The following CLPB variants were observed in gnomAD, a reference collection of about 807,000 sequenced individuals.
CLPB encodes ClpB family mitochondrial disaggregase.
Under a neutral mutation model 78.4 loss-of-function variants are expected in CLPB, and 40 were observed. The ratio of observed to expected loss-of-function variants is 0.51; its 90% CI spans 0.40 to 0.66. CLPB has a LOEUF of 0.66. CLPB is among the 30% of genes least tolerant of loss of function. CLPB has a pLI of 0.00. For synonymous variants in CLPB, 333 were observed against 348.0 expected, an observed-to-expected ratio of 0.96 and a Z score of 0.48; for missense variants, 780 against 886.9, an observed-to-expected ratio of 0.88 and a Z score of 1.53.
chr11:72,362,493 G>A (rs990039036), intron 4 of CLPB, among the ~76,000 whole-genome samples: 2 of 152,122 alleles, frequency 1.3e-5, no homozygotes, highest in African/African-American at 2.4e-5. Context: ...CTTTGGTTTT[G>A]GAATAATAAA....
At chr11:72,295,989 C>A (rs1949545126) in intron 11 of CLPB, among the ~76,000 whole-genome samples, 1 of 152,194 alleles carries the variant, frequency 6.6e-6, no homozygotes, top group Admixed American at 6.5e-5. Flanking sequence ...TTTTTGGAGG[C>A]CCGCTGTGGG....
In CLPB at chr11:72,373,960, C is replaced by CAAAA. The variant is rs35682727; in HGVS notation, c.646+6317_646+6320dup. ...GGGTAACAAGAGCGAAACTCTGTCT[C>CAAAA]AAAAAAAAAAAAAAAAAAAAAAGAA... On this transcript the variant is annotated intron_variant, in intron 4 of 15. Transcript: ENST00000538039. 3.5e-4 allele frequency among the ~76,000 whole-genome samples: 28 copies of CAAAA among 80,536 alleles called. 1 individual carries two copies. The highest frequency in any genetic ancestry group is 1.0e-3 in the African/African-American group (21 of 21,022). The allele number at this position is 80,536 out of a possible 152,430, so 52.8% of individuals were successfully genotyped here.
At chr11:72,382,705 A>G (rs1287914647) in intron 3 of CLPB, among the ~76,000 whole-genome samples, 1 of 152,200 alleles carries the variant, frequency 6.6e-6, no homozygotes, top group African/African-American at 2.4e-5. Flanking sequence ...GACAGGCTGA[A>G]TGGTGAAGGG....
chr11:72,340,030 T>C (rs1054353217), intron 5 of CLPB, among the ~76,000 whole-genome samples: 9 of 152,224 alleles, frequency 5.9e-5, no homozygotes, highest in African/African-American at 2.4e-5. Context: ...AACCTACAGA[T>C]TGTCTTACAA....
intron 2 of CLPB, among the ~76,000 whole-genome samples, chr11:72,424,902 A>G (rs532858285): frequency 2.2e-4 from 33 of 151,772 alleles, no homozygotes; most frequent in South Asian, 1.7e-3. Context: ...AACAAAACAA[A>G]ACAAAAAAAA....
chr11:72,416,141 G>T (rs1034782538), intron 2 of CLPB, among the ~76,000 whole-genome samples: 1 of 152,168 alleles, frequency 6.6e-6, no homozygotes, highest in Non-Finnish European at 1.5e-5. Context: ...TCACACTATT[G>T]CTTCAGAGCT....
chr11:72,301,624 C>T (rs1213373526), intron 11 of CLPB, among the ~76,000 whole-genome samples, 179 bp downstream of exon 11: 1 of 152,204 alleles, frequency 6.6e-6, no homozygotes, highest in African/African-American at 2.4e-5. Context: ...GCTTGAGTGC[C>T]CCACCCAGGC....
chr11:72,373,572 C>T (rs1487812813), intron 4 of CLPB, among the ~76,000 whole-genome samples: 2 of 152,176 alleles, frequency 1.3e-5, no homozygotes, highest in Non-Finnish European at 1.5e-5. Context: ...ATCTCACAGA[C>T]ATTCTAAGCT....
chr11:72,354,826 C>T (rs1208620038), intron 5 of CLPB: 2 of 152,660 alleles, frequency 1.3e-5, no homozygotes, highest in African/African-American at 4.8e-5. Flanking sequence ...CTAAGCACCC[C>T]CTCCTCTGGG....
At position 72,371,687 on chromosome 11, in the gene CLPB, G is replaced by A. The variant is rs149818945; in HGVS notation, c.646+8594C>T. Among the ~76,000 whole-genome samples, 923 of 152,290 alleles carry A rather than the reference G, an allele frequency of 6.1e-3. 14 individuals are homozygous for A. The highest frequency in any genetic ancestry group is 0.021 in the African/African-American group (882 of 41,568). On this transcript the variant is annotated intron_variant, in intron 4 of 15. Coordinates refer to ENST00000538039, the MANE Select transcript of CLPB (RefSeq NM_001258392.3). ...CTGGTTTAGCCTTCCAAAGTCTTGC[G>A]ATTATAGGCATGAGCCACCACACTC...
chr11:72,334,471 GC>G (rs1950285025), intron 5 of CLPB, among the ~76,000 whole-genome samples: 1 of 152,244 alleles, frequency 6.6e-6, no homozygotes, highest in Admixed American at 6.5e-5. Context: ...TAGTACCCCA[GC>G]CCTGCACCCT....
intron 5 of CLPB, chr11:72,355,481 C>T (rs1950695650): frequency 6.6e-6 from 1 of 152,200 alleles, no homozygotes; most frequent in Non-Finnish European, 1.5e-5. Context: ...TAACAGGGAA[C>T]CTACCATGTG....
chr11:72,293,441 C>A lies in CLPB; in HGVS notation c.1960G>T (p.Asp654Tyr). Residue 654 changes from aspartate to tyrosine, a missense_variant, in exon 16 of 16, where the codon GAC becomes TAC. Transcript: ENST00000538039. ...AGTCTGCGAGTCTTGCTGTCCTTGTCGATGATCTCCAGACGCAGCTTGGGG... is the reference window on the plus strand; with the variant it reads ...AGTCTGCGAGTCTTGCTGTCCTTGTAGATGATCTCCAGACGCAGCTTGGGG... ...RLPKLRLEIIDKDSKTRRLDI... is the reference protein window; with the variant it reads ...RLPKLRLEIIYKDSKTRRLDI... 6.2e-7 allele frequency: 1 copy of A among 1,614,136 alleles called. No homozygotes were observed. Among genetic ancestry groups the A allele is most frequent in the Non-Finnish European group, 8.5e-7 (1 of 1,180,032 alleles).
At chr11:72,323,900 G>T (rs1950087842) in intron 6 of CLPB, among the ~76,000 whole-genome samples, 1 of 151,884 alleles carries the variant, frequency 6.6e-6, no homozygotes, top group Non-Finnish European at 1.5e-5. Context: ...ATATTTAGGG[G>T]TAAAGGAGCA....
chr11:72,429,510 A>G lies in CLPB; in HGVS notation c.455+802T>C, dbSNP rs530034992. Among the ~76,000 whole-genome samples the G allele has an allele frequency of 2.6e-5, 4 of 152,354 alleles. No homozygotes were observed. In the East Asian group the frequency reaches 7.7e-4, roughly 29 times the overall value. ...ACCTGACTTCCTGTCTAACATGCAG[A>G]CATGATGGCAAGGAAGGGGGGTGTC... On this transcript the variant is annotated intron_variant, in intron 2 of 15. Coordinates refer to ENST00000538039, the MANE Select transcript of CLPB (RefSeq NM_001258392.3).
intron 2 of CLPB, among the ~76,000 whole-genome samples, chr11:72,413,463 T>C (rs1855935954): frequency 6.6e-6 from 1 of 152,188 alleles, no homozygotes; most frequent in Non-Finnish European, 1.5e-5. Flanking sequence ...ATCGAGCATA[T>C]ACCAGATACA....
chr11:72,431,424 G>T (rs948634085), intron 1 of CLPB, among the ~76,000 whole-genome samples: 1 of 152,156 alleles, frequency 6.6e-6, no homozygotes, highest in Non-Finnish European at 1.5e-5. Flanking sequence ...TCAGACCTGG[G>T]GTCTAGCCCA....
intron 5 of CLPB, among the ~76,000 whole-genome samples, chr11:72,337,821 T>C (rs1950348617): frequency 6.6e-6 from 1 of 152,190 alleles, no homozygotes; most frequent in Non-Finnish European, 1.5e-5. Context: ...GATAGGGGCA[T>C]TTCTAGAGGT....
intron 1 of CLPB, 164 bp from the exon 2 acceptor site, chr11:72,430,527 A>G: frequency 1.6e-6 from 1 of 608,002 alleles, no homozygotes; most frequent in Non-Finnish European, 2.9e-6. Context: ...CCCTCCCCAC[A>G]TGGTGTCCAC....
Sources: gnomAD v4.1 joint callset for allele counts (sites outside exome capture counted in the v4.1 genomes callset) on GRCh38, gnomAD v4.1.1 for gene constraint, MANE v1.5 for transcripts, NCBI Gene and HGNC (gene_info 2026-07-23, HGNC 2026-07-21) for gene names.